Variants in SLC39A10 observed in about 807,000 individuals in gnomAD.
The protein encoded by SLC39A10 is solute carrier family 39 member 10.
SLC39A10 carries 13 observed loss-of-function variants against 65.1 expected under a neutral mutation model. The observed-to-expected ratio is 0.20, with a 90% confidence interval of 0.13 to 0.32. The LOEUF (loss-of-function observed/expected upper bound fraction) is 0.32. Among genes scored for constraint, SLC39A10 ranks in the 10% least tolerant of loss-of-function variants. The probability of loss-of-function intolerance (pLI) is 1.00; values close to 1 mark genes in which losing one functional copy is unlikely to be tolerated. For synonymous variants in SLC39A10, 321 were observed against 342.2 expected, an observed-to-expected ratio of 0.94 and a Z score of 0.68; for missense variants, 831 against 1,018.4, an observed-to-expected ratio of 0.82 and a Z score of 2.50.
intron 5 of SLC39A10, among the ~76,000 whole-genome samples, chr2:195,713,095 AC>A (rs1691656034): frequency 6.6e-6 from 1 of 152,148 alleles, no homozygotes; most frequent in Admixed American, 6.5e-5. Context: ...GTTTTTTGGA[AC>A]TTTCTGTTAC....
chr2:195,693,608 T>C lies in SLC39A10; in HGVS notation c.1216+9702T>C, dbSNP rs186539543. ...TGTGTAAAGGTGTTCATAGTAGTCT[T>C]GAGTAATAATCTTTTGTATTTCTGT... On this transcript the variant is annotated intron_variant, in intron 3 of 9. Coordinates refer to ENST00000359634, the MANE Select transcript of SLC39A10 (RefSeq NM_020342.3). Among the ~76,000 whole-genome samples, 26 of 152,300 alleles carry C rather than the reference T, an allele frequency of 1.7e-4. 1 individual carries two copies. The East Asian group carries it at 2.7e-3, about 16-fold the overall frequency.
intron 3 of SLC39A10, among the ~76,000 whole-genome samples, chr2:195,688,535 T>C (rs917297328): frequency 6.6e-6 from 1 of 152,192 alleles, no homozygotes; most frequent in Admixed American, 6.5e-5. Context: ...TGTAGTGCTT[T>C]TAGAAAACTG....
At chr2:195,713,045 T>G (rs1433450646) in intron 5 of SLC39A10, among the ~76,000 whole-genome samples, 1 of 152,226 alleles carries the variant, frequency 6.6e-6, no homozygotes, top group Non-Finnish European at 1.5e-5. Flanking sequence ...CAGGGAAATA[T>G]AGATTGCATT....
At chr2:195,702,443 C>A (rs142787553) in intron 3 of SLC39A10, among the ~76,000 whole-genome samples, 1 of 152,158 alleles carries the variant, frequency 6.6e-6, no homozygotes, top group Non-Finnish European at 1.5e-5. Flanking sequence ...ATTTTACCAT[C>A]GAGCTTTCCC....
rs746379517 is a variant in SLC39A10, at chr2:195,617,724, CTTTTA to C, written c.-12+11507_-12+11511del. On this transcript the variant is annotated intron_variant, in intron 2 of 2. Transcript: ENST00000458054. ...TGTTTCTTTTCTTTTCTTTTCTTTT[CTTTTA>C]TTTTATTTTATTTTACTTTATTTTA... is the stretch of plus-strand genomic sequence containing the variant. Among the ~76,000 whole-genome samples the C allele has an allele frequency of 3.0e-4, 43 of 145,194 alleles. No homozygotes were observed. The East Asian group carries it at 7.9e-3, about 27-fold the overall frequency.
intron 8 of SLC39A10, among the ~76,000 whole-genome samples, chr2:195,722,707 A>C (rs1423709083): frequency 6.6e-6 from 1 of 152,222 alleles, no homozygotes; most frequent in East Asian, 1.9e-4. Context: ...CTAGGTTAAG[A>C]TGTTGACAAA....
chr2:195,714,970 T>G (rs1691735401), intron 6 of SLC39A10, among the ~76,000 whole-genome samples: 1 of 152,002 alleles, frequency 6.6e-6, no homozygotes, highest in Non-Finnish European at 1.5e-5. Flanking sequence ...GCCAGGATGG[T>G]CTCAATCTCC....
chr2:195,636,614 G>A (rs867386872), intron 2 of SLC39A10, among the ~76,000 whole-genome samples: 4 of 152,242 alleles, frequency 2.6e-5, no homozygotes, highest in African/African-American at 7.2e-5. Context: ...TTAGTTGGGC[G>A]TGGTGGCGGG....
chr2:195,640,553 T>G (rs889059015), intron 2 of SLC39A10, among the ~76,000 whole-genome samples: 1 of 152,150 alleles, frequency 6.6e-6, no homozygotes, highest in Non-Finnish European at 1.5e-5. Flanking sequence ...TGCCAGAATA[T>G]TTGATGTACT....
At chr2:195,646,044 T>G (rs917217311) in intron 2 of SLC39A10, among the ~76,000 whole-genome samples, 3 of 152,108 alleles carry the variant, frequency 2.0e-5, no homozygotes, top group African/African-American at 7.2e-5. Flanking sequence ...ACCTCCAGGC[T>G]CAAGCGATCT....
intron 1 of SLC39A10, among the ~76,000 whole-genome samples, chr2:195,658,779 A>G (rs1028150725): frequency 2.0e-5 from 3 of 151,716 alleles, no homozygotes; most frequent in African/African-American, 7.2e-5. Flanking sequence ...TTCTGCAGAC[A>G]CTGGTTACTC....
At chr2:195,620,922 T>C (rs1038861509) in intron 2 of SLC39A10, among the ~76,000 whole-genome samples, 1 of 152,192 alleles carries the variant, frequency 6.6e-6, no homozygotes, top group East Asian at 1.9e-4. Flanking sequence ...ACTTCTTGGA[T>C]CGCTCATCCA....
Position 195,689,100 on chromosome 2 carries a change from A to C in SLC39A10, c.1216+5194A>C, listed in dbSNP as rs1690630330. Among the ~76,000 whole-genome samples the C allele has an allele frequency of 2.0e-5, 3 of 152,298 alleles. No homozygotes were observed. The South Asian group carries it at 6.2e-4, about 32-fold the overall frequency. On this transcript the variant is annotated intron_variant, in intron 3 of 9. Coordinates refer to ENST00000359634, the MANE Select transcript of SLC39A10 (RefSeq NM_020342.3). Reference sequence around the variant, plus strand: ...AAAAGACTGTGATGATTTAGTGGAGAAAACAGTGGATTAAAAATTAGAGGA... The same window carrying C: ...AAAAGACTGTGATGATTTAGTGGAGCAAACAGTGGATTAAAAATTAGAGGA...
chr2:195,673,271 A>G (rs1408698896), intron 1 of SLC39A10, among the ~76,000 whole-genome samples: 1 of 152,008 alleles, frequency 6.6e-6, no homozygotes, highest in African/African-American at 2.4e-5. Context: ...TGACCACCCA[A>G]GCTCAGATGA....
Position 195,680,051 on chromosome 2 carries a change from A to G in SLC39A10, c.9A>G (p.Val3=), listed in dbSNP as rs769288355. 1 of 1,599,010 alleles carries G rather than the reference A, an allele frequency of 6.3e-7. No individual in the cohort carries two copies. Among genetic ancestry groups the G allele is most frequent in the Non-Finnish European group, 8.5e-7 (1 of 1,175,246 alleles). Residue 3 remains valine, a synonymous_variant, in exon 2 of 10, where the codon GTA becomes GTG. Coordinates refer to ENST00000359634, the MANE Select transcript of SLC39A10 (RefSeq NM_020342.3). ...CTTTAGGAAAAATAGAAATGAAGGT[A>G]CATATGCACACAAAATTTTGCCTCA... MK[V]HMHTKFCLIC...
chr2:195,725,221 A>G (rs895066421), intron 8 of SLC39A10, among the ~76,000 whole-genome samples: 2 of 152,116 alleles, frequency 1.3e-5, no homozygotes, highest in South Asian at 2.1e-4. Flanking sequence ...GGGTTAGGCA[A>G]AGTATTCTTA....
chr2:195,668,139 G>C (rs1416422133), intron 1 of SLC39A10, among the ~76,000 whole-genome samples: 1 of 152,102 alleles, frequency 6.6e-6, no homozygotes, highest in East Asian at 1.9e-4. Flanking sequence ...CTGTTACTCT[G>C]TGTGTGCCAT....
chr2:195,658,184 C>T (rs1689239247), intron 1 of SLC39A10: 1 of 152,394 alleles, frequency 6.6e-6, no homozygotes, highest in Non-Finnish European at 1.5e-5. Flanking sequence ...AACGCCCCAG[C>T]TAAGAAGGGC....
chr2:195,680,624 C>G lies in SLC39A10; in HGVS notation c.582C>G (p.His194Gln), dbSNP rs114992984. The change falls in exon 2 of 10, where the codon CAC becomes CAG. Residue 194 changes from histidine (H) to glutamine (Q), a missense_variant. His to Gln is a conservative substitution (Grantham distance 24). Transcript: ENST00000359634. Reference sequence around the variant, plus strand: ...ATCATCTTGATCATAACAACACTCACCATTTTCATAATGATTCCATTACTC... The same window carrying G: ...ATCATCTTGATCATAACAACACTCAGCATTTTCATAATGATTCCATTACTC... Reference protein sequence around the residue: ...LHHHLDHNNTHHFHNDSITPS... With the variant: ...LHHHLDHNNTQHFHNDSITPS... The G allele has an allele frequency of 3.0e-5, 48 of 1,613,988 alleles. 1 individual carries two copies. In the Middle Eastern group the frequency reaches 6.6e-4, roughly 22 times the overall value.
Sources: allele counts gnomAD v4.1 joint callset (sites outside exome capture counted in the v4.1 genomes callset), GRCh38; gene constraint gnomAD v4.1.1; transcripts MANE v1.5; gene names NCBI Gene and HGNC (gene_info 2026-07-23, HGNC 2026-07-21).